Variants in RDH11 observed in about 807,000 individuals in gnomAD.
RDH11 encodes HCV core-binding protein HCBP12.
A neutral mutation model predicts 33.4 loss-of-function variants in RDH11; 19 were observed. That is an observed-to-expected ratio of 0.57 (90% CI 0.40 to 0.83). The LOEUF (loss-of-function observed/expected upper bound fraction) is 0.83, where lower values mean the gene tolerates loss of function less well. Ranked by LOEUF, RDH11 falls within the 40% of genes least tolerant of loss-of-function variation. The pLI is 0.00. For synonymous variants in RDH11, 154 were observed against 155.3 expected (o/e 0.99, Z 0.06); for missense variants, 353 against 389.0 (o/e 0.91, Z 0.78).
chr14:67,688,063 GC>G (rs1294247708), intron 5 of RDH11, among the ~76,000 whole-genome samples: 2 of 151,858 alleles, frequency 1.3e-5, no homozygotes, highest in Non-Finnish European at 2.9e-5. Context: ...GTGAGCCACC[GC>G]GCCCGGCCTC....
At chr14:67,694,676 A>C (rs2037805678) in intron 1 of RDH11, among the ~76,000 whole-genome samples, 1 of 152,116 alleles carries the variant, frequency 6.6e-6, no homozygotes, top group Admixed American at 6.5e-5. Context: ...GTGTGCCTAG[A>C]GGTGGGAGAA....
intron 4 of RDH11, 193 bp downstream of exon 4, chr14:67,690,947 T>C: frequency 1.7e-6 from 1 of 584,546 alleles, no homozygotes. Context: ...AAATCACAGA[T>C]TAAAAAGCGG....
At chr14:67,694,602 T>C (rs917765024) in intron 1 of RDH11, among the ~76,000 whole-genome samples, 2 of 151,734 alleles carry the variant, frequency 1.3e-5, no homozygotes, top group South Asian at 2.1e-4. Flanking sequence ...TCTATGTGGA[T>C]AAGAGGATCT....
At chr14:67,693,682 CTT>C in intron 1 of RDH11, among the ~76,000 whole-genome samples, 1 of 145,238 alleles carries the variant, frequency 6.9e-6, no homozygotes, top group East Asian at 2.0e-4. Flanking sequence ...GAGTTTTGCT[CTT>C]GTTGCCCAGG....
intron 1 of RDH11, among the ~76,000 whole-genome samples, chr14:67,694,451 T>C (rs2057120): frequency 0.13 from 18,488 of 143,726 alleles, 1,205 homozygotes; most frequent in East Asian, 0.16. Flanking sequence ...TATATATATA[T>C]ACACACACAC....
intron 6 of RDH11, 125 bp downstream of exon 6, chr14:67,684,890 C>T: frequency 3.0e-6 from 2 of 674,854 alleles, no homozygotes; most frequent in Non-Finnish European, 4.7e-6. Context: ...AAGGTAAAAA[C>T]TCTAGAGTTA....
Position 67,685,299 on chromosome 14 carries a change from AC to A in RDH11, c.665-96del, listed in dbSNP as rs889412262. The A allele has an allele frequency of 1.1e-4, 101 of 930,208 alleles. No individual in the cohort carries two copies. In the African/African-American group the frequency reaches 1.5e-3, roughly 14 times the overall value. The allele number at this position is 930,208 out of a possible 1,614,324, so 57.6% of individuals were successfully genotyped here. ...GGATGTAAATAAGCATGTGACCTTCACATATGGACTCTTTTGCCCATGGTGA... is the reference window on the plus strand; with the variant it reads ...GGATGTAAATAAGCATGTGACCTTCAATATGGACTCTTTTGCCCATGGTGA... On this transcript the variant is annotated intron_variant, in intron 5 of 6. Coordinates refer to ENST00000381346, the MANE Select transcript of RDH11 (RefSeq NM_016026.4).
At chr14:67,687,329 C>T (rs1175433137) in intron 5 of RDH11, among the ~76,000 whole-genome samples, 1 of 152,192 alleles carries the variant, frequency 6.6e-6, no homozygotes, top group African/African-American at 2.4e-5. Context: ...CTACCTACCT[C>T]ACCAGTCTCA....
intron 6 of RDH11, among the ~76,000 whole-genome samples, chr14:67,682,747 AC>A (rs1202690488): frequency 6.6e-6 from 1 of 152,242 alleles, no homozygotes; most frequent in Non-Finnish European, 1.5e-5. Context: ...ACTTCCATGT[AC>A]CCAAGAGAAA....
Position 67,685,204 on chromosome 14 carries a change from C to G in RDH11, c.665G>C (p.Gly222Ala), listed in dbSNP as rs199680188. The G allele has an allele frequency of 1.2e-6, 2 of 1,609,550 alleles. No individual in the cohort carries two copies. The highest frequency in any genetic ancestry group is 3.4e-5 in the Admixed American group (2 of 59,304). ...TACAGAATACGTCGTAACGCCAGAGCCTGGTTGGGGGTGGCATGAAGAGAG... is the reference window on the plus strand; with the variant it reads ...TACAGAATACGTCGTAACGCCAGAGGCTGGTTGGGGGTGGCATGAAGAGAG... Reference protein sequence around the residue: ...FTQELARRLKGSGVTTYSVHP... With the variant: ...FTQELARRLKASGVTTYSVHP... Residue 222 changes from glycine (G) to alanine (A), a missense_variant and splice_region_variant, in exon 6 of 7, where the codon GGC (glycine) becomes GCC (alanine). By Grantham distance (60) the Gly-to-Ala change is moderately conservative. Transcript: ENST00000381346.
At chr14:67,687,504 CTTG>C (rs1186496733) in intron 5 of RDH11, among the ~76,000 whole-genome samples, 1 of 116,548 alleles carries the variant, frequency 8.6e-6, no homozygotes, top group East Asian at 2.6e-4. Context: ...GAGTTTCACT[CTTG>C]TTTGCCCAGG....
At chr14:67,684,232 T>G (rs2037648614) in intron 6 of RDH11, among the ~76,000 whole-genome samples, 1 of 152,318 alleles carries the variant, frequency 6.6e-6, no homozygotes, top group East Asian at 1.9e-4. Context: ...CTTTCCAATC[T>G]TAATGCTATT....
chr14:67,692,178 T>G, intron 3 of RDH11: 1 of 418,846 alleles, frequency 2.4e-6, no homozygotes, highest in Non-Finnish European at 4.3e-6. Context: ...AAGCCTGTAC[T>G]GAGTGCTGAG....
At chr14:67,690,078 TA>T in intron 5 of RDH11, 133 bp downstream of exon 5, 1 of 714,664 alleles carries the variant, frequency 1.4e-6, no homozygotes, top group Non-Finnish European at 2.4e-6. Flanking sequence ...GACTACTTAC[TA>T]AAACTGTACC....
intron 4 of RDH11, 57 bp from the exon 5 acceptor site, chr14:67,690,478 C>G: frequency 1.3e-6 from 2 of 1,490,186 alleles, no homozygotes; most frequent in African/African-American, 1.4e-5. Flanking sequence ...TGACAGGAGT[C>G]GTGGTGAGCA....
At chr14:67,692,761 C>G (rs1288798173) in intron 2 of RDH11, 168 bp from the exon 3 acceptor site, 1 of 865,682 alleles carries the variant, frequency 1.2e-6, no homozygotes, top group Non-Finnish European at 1.8e-6. Flanking sequence ...TAATAATATT[C>G]ATTAAGGGTC....
rs1357948335 is a variant in RDH11 at position 67,685,055 on chromosome 14, A to C, written c.814T>G (p.Leu272Val). The change falls in exon 6 of 7, where the codon TTA (leucine) becomes GTA (valine). Residue 272 changes from leucine to valine, a missense_variant. Physicochemically the swap from Leu to Val is conservative, Grantham distance 32 (BLOSUM62 1). Transcript: ENST00000381346. Reference protein sequence around the residue: ...QGAQTSLHCALTEGLEILSGN... With the variant: ...QGAQTSLHCAVTEGLEILSGN... Reference sequence around the variant, plus strand: ...CTTAGAATCTCAAGACCTTCTGTTAAGGCACAGTGCAGGCTGGTCTGGGCT... The same window carrying C: ...CTTAGAATCTCAAGACCTTCTGTTACGGCACAGTGCAGGCTGGTCTGGGCT... The C allele has an allele frequency of 6.8e-6, 11 of 1,613,480 alleles. No individual in the cohort carries two copies. The highest frequency in any genetic ancestry group is 9.3e-6 in the Non-Finnish European group (11 of 1,179,894).
intron 1 of RDH11, among the ~76,000 whole-genome samples, chr14:67,694,289 G>A (rs937857299): frequency 2.0e-5 from 3 of 152,034 alleles, no homozygotes; most frequent in African/African-American, 7.3e-5. Flanking sequence ...CTTACTGTAT[G>A]TAGCTCCAGG....
intron 6 of RDH11, among the ~76,000 whole-genome samples, chr14:67,678,822 G>A (rs946548390): frequency 6.7e-6 from 1 of 150,120 alleles, no homozygotes; most frequent in Non-Finnish European, 1.5e-5. Flanking sequence ...ACATTGGTCA[G>A]AGATGCCTGG....
Sources: gnomAD v4.1 joint callset for allele counts (sites outside exome capture counted in the v4.1 genomes callset) on GRCh38, gnomAD v4.1.1 for gene constraint, MANE v1.5 for transcripts, NCBI Gene and HGNC (gene_info 2026-07-23, HGNC 2026-07-21) for gene names.